The following CUBN variants were observed in gnomAD, a reference collection of about 807,000 sequenced individuals.
The protein encoded by CUBN is cubilin.
A neutral mutation model predicts 405.3 loss-of-function variants in CUBN; 282 were observed. That is an observed-to-expected ratio of 0.70 (90% CI 0.63 to 0.77). The LOEUF (loss-of-function observed/expected upper bound fraction) is 0.77. CUBN is among the 30% of genes least tolerant of loss of function. The probability of loss-of-function intolerance (pLI) is 0.00; values close to 1 mark genes in which losing one functional copy is unlikely to be tolerated. For missense variants in CUBN, 4,514 were observed against 4,475.2 expected, an observed-to-expected ratio of 1.01 and a Z score of -0.25; for synonymous variants, 1,684 against 1,617.0, an observed-to-expected ratio of 1.04 and a Z score of -0.99.
intron 26 of CUBN, among the ~76,000 whole-genome samples, chr10:17,041,699 C>T (rs962053842): frequency 6.6e-6 from 1 of 151,840 alleles, no homozygotes; most frequent in Non-Finnish European, 1.5e-5. Flanking sequence ...TATGGGAATG[C>T]TAAAAACCAG....
chr10:17,054,326 C>T (rs1234127863), intron 22 of CUBN, among the ~76,000 whole-genome samples: 60 of 88,460 alleles, frequency 6.8e-4, no homozygotes, highest in Non-Finnish European at 1.2e-3. Flanking sequence ...AGTGAAACTC[C>T]GTCTCAAAAA....
intron 17 of CUBN, among the ~76,000 whole-genome samples, chr10:17,077,617 C>T (rs541135395): frequency 1.7e-4 from 26 of 152,280 alleles, no homozygotes. Flanking sequence ...GAAAAGAGAA[C>T]CACACCGTAT....
At chr10:17,012,911 T>C (rs1399213414) in intron 28 of CUBN, among the ~76,000 whole-genome samples, 1 of 152,210 alleles carries the variant, frequency 6.6e-6, no homozygotes, top group African/African-American at 2.4e-5. Context: ...CTATGTCTGG[T>C]GGGACCTTTG....
chr10:16,946,779 G>C (rs924542628), intron 36 of CUBN, among the ~76,000 whole-genome samples: 1 of 152,152 alleles, frequency 6.6e-6, no homozygotes. Flanking sequence ...ACAGGCATGA[G>C]CCACTACACC....
chr10:17,057,241 G>A (rs1237289302), intron 22 of CUBN, among the ~76,000 whole-genome samples: 2 of 152,144 alleles, frequency 1.3e-5, no homozygotes, highest in Admixed American at 6.6e-5. Flanking sequence ...CATAGGCAAC[G>A]TGTTGAGGGT....
intron 31 of CUBN, among the ~76,000 whole-genome samples, chr10:16,977,705 G>A (rs926196910): frequency 4.6e-5 from 7 of 152,318 alleles, no homozygotes; most frequent in Middle Eastern, 3.4e-3. Flanking sequence ...AGCTAAAAGA[G>A]CACTGTAGCA....
At chr10:16,915,294 G>C in intron 46 of CUBN, 122 bp from the exon 47 acceptor site, 1 of 1,125,956 alleles carries the variant, frequency 8.9e-7, no homozygotes, top group Non-Finnish European at 1.3e-6. Context: ...ATGAAGAAAC[G>C]TTAATCTCTG....
At chr10:16,846,574 G>A (rs1839514195) in intron 60 of CUBN, among the ~76,000 whole-genome samples, 1 of 152,126 alleles carries the variant, frequency 6.6e-6, no homozygotes, top group African/African-American at 2.4e-5. Flanking sequence ...CACTTTGGGA[G>A]GCCAAGGTAG....
chr10:17,063,062 C>T (rs536186712), intron 22 of CUBN, among the ~76,000 whole-genome samples: 1 of 152,160 alleles, frequency 6.6e-6, no homozygotes, highest in Non-Finnish European at 1.5e-5. Flanking sequence ...ACTAGCCCAC[C>T]ACCTGGTGTC....
intron 53 of CUBN, among the ~76,000 whole-genome samples, chr10:16,899,522 T>A (rs996416156): frequency 1.3e-5 from 2 of 152,204 alleles, no homozygotes. Flanking sequence ...AACCTGGCAA[T>A]GCTAAGTTCT....
In CUBN at chr10:16,828,129, T is replaced by C. The variant is rs188941086; in HGVS notation, c.10764+676A>G. On this transcript the variant is annotated intron_variant, in intron 66 of 66. Transcript: ENST00000377833. Reference sequence around the variant, plus strand: ...ATTTATGCAGAAATAAACATGGGTATTCAACCCTAGGCAGTGCACTGACGT... The same window carrying C: ...ATTTATGCAGAAATAAACATGGGTACTCAACCCTAGGCAGTGCACTGACGT... Among the ~76,000 whole-genome samples the C allele has an allele frequency of 3.9e-3, 596 of 152,202 alleles. 2 individuals are homozygous for C. Among genetic ancestry groups the C allele is most frequent in the Non-Finnish European group, 5.0e-3 (341 of 68,012 alleles).
chr10:16,843,435 T>A (rs554799366), intron 60 of CUBN, among the ~76,000 whole-genome samples: 1 of 152,180 alleles, frequency 6.6e-6, no homozygotes, highest in Non-Finnish European at 1.5e-5. Flanking sequence ...AACCAGTCAT[T>A]GTAAAAGAAA....
intron 10 of CUBN, 112 bp from the exon 11 acceptor site, chr10:17,105,687 T>C (rs1324100691): frequency 1.4e-6 from 1 of 710,510 alleles, no homozygotes; most frequent in African/African-American, 1.8e-5. Context: ...ATCCAGTCTG[T>C]GTATTTTGAC....
At chr10:16,914,834 C>A (rs933221352) in intron 47 of CUBN, among the ~76,000 whole-genome samples, 198 bp downstream of exon 47, 1 of 152,152 alleles carries the variant, frequency 6.6e-6, no homozygotes, top group Non-Finnish European at 1.5e-5. Context: ...TTATCTCTCT[C>A]GTGATACTAG....
At position 16,968,195 on chromosome 10, in the gene CUBN, G is replaced by A. The variant is rs1227730714; in HGVS notation, c.4696-13647C>T. On this transcript the variant is annotated intron_variant, in intron 31 of 66. Coordinates refer to ENST00000377833, the MANE Select transcript of CUBN (RefSeq NM_001081.4). ...GTGTTTTAAAAGGAAACACATCATG[G>A]GTGGTGTATTACAAAAATACAACAA... 2.0e-5 allele frequency among the ~76,000 whole-genome samples: 3 copies of A among 152,152 alleles called. No individual in the cohort carries two copies. The East Asian group carries it at 5.8e-4, about 29-fold the overall frequency.
chr10:17,104,163 T>C (rs538453315), intron 12 of CUBN, among the ~76,000 whole-genome samples: 1 of 152,338 alleles, frequency 6.6e-6, no homozygotes, highest in South Asian at 2.1e-4. Context: ...GCATGTTTTA[T>C]ATTCAAAAAG....
chr10:16,964,320 G>A (rs760290533), intron 31 of CUBN, among the ~76,000 whole-genome samples: 9 of 152,106 alleles, frequency 5.9e-5, no homozygotes, highest in East Asian at 1.9e-4. Flanking sequence ...ATAATAAAGC[G>A]TGGCTAACTG....
Position 16,947,271 on chromosome 10 carries a change from A to G in CUBN, c.5306T>C (p.Val1769Ala), listed in dbSNP as rs1462639804. 1 of 1,614,108 alleles carries G rather than the reference A, an allele frequency of 6.2e-7. No homozygotes were observed. Among genetic ancestry groups the G allele is most frequent in the Admixed American group, 1.7e-5 (1 of 60,020 alleles). Reference protein sequence around the residue: ...PPNVECVWNIVSSPGNRLQLS... With the variant: ...PPNVECVWNIASSPGNRLQLS... ...CTGGAGCCGGTTGCCAGGGGAACTG[A>G]CGATGTTCCAGACACATTCCACATT... The change falls in exon 36 of 67, where the codon GTC (valine) becomes GCC (alanine). Residue 1769 changes from valine (V) to alanine (A), a missense_variant. Transcript: ENST00000377833.
chr10:17,123,749 G>T, intron 4 of CUBN, 60 bp from the exon 5 acceptor site: 1 of 1,157,914 alleles, frequency 8.6e-7, no homozygotes. Flanking sequence ...CAAAACGCAT[G>T]TTACCGTGCA....
Sources: allele counts gnomAD v4.1 joint callset (sites outside exome capture counted in the v4.1 genomes callset), GRCh38; gene constraint gnomAD v4.1.1; transcripts MANE v1.5; gene names NCBI Gene and HGNC (gene_info 2026-07-23, HGNC 2026-07-21).